The following COL8A1 variants were observed in gnomAD, a reference collection of about 807,000 sequenced individuals.
COL8A1 encodes the protein collagen type VIII alpha 1 chain, also known as collagen alpha-1(VIII) chain.
Under a neutral mutation model 42.7 loss-of-function variants are expected in COL8A1, and 21 were observed. The observed-to-expected ratio is 0.49, with a 90% confidence interval of 0.35 to 0.71. COL8A1 has a LOEUF of 0.71. COL8A1 is among the 30% of genes least tolerant of loss of function. COL8A1 has a pLI of 0.01. For synonymous variants in COL8A1, 367 were observed against 369.1 expected (o/e 0.99, Z 0.06); for missense variants, 788 against 962.4 (o/e 0.82, Z 2.40).
intron 2 of COL8A1, among the ~76,000 whole-genome samples, chr3:99,757,600 A>T (rs890949585): frequency 1.3e-5 from 2 of 152,160 alleles, no homozygotes; most frequent in Admixed American, 1.3e-4. Flanking sequence ...ACTTAAACTT[A>T]TATCAGTTCA....
intron 1 of COL8A1, among the ~76,000 whole-genome samples, chr3:99,707,507 T>A (rs1939713968): frequency 6.6e-6 from 1 of 152,046 alleles, no homozygotes; most frequent in Non-Finnish European, 1.5e-5. Context: ...CCCGAGGGAG[T>A]GCAGGTGTTC....
At chr3:99,785,998 G>T (rs563865523) in intron 2 of COL8A1, among the ~76,000 whole-genome samples, 2 of 151,956 alleles carry the variant, frequency 1.3e-5, no homozygotes, top group Non-Finnish European at 1.5e-5. Flanking sequence ...TCAAAATGAG[G>T]TCAGGCATGG....
chr3:99,705,620 G>A (rs762280308), intron 1 of COL8A1, among the ~76,000 whole-genome samples: 3 of 152,124 alleles, frequency 2.0e-5, no homozygotes, highest in Non-Finnish European at 4.4e-5. Flanking sequence ...AATACTGGTT[G>A]ATAAAAGTCT....
chr3:99,790,312 C>A (rs750668824), intron 2 of COL8A1, among the ~76,000 whole-genome samples: 3 of 152,166 alleles, frequency 2.0e-5, no homozygotes, highest in Admixed American at 6.5e-5. Flanking sequence ...GACAACTATA[C>A]ACAATTGGCA....
rs542709514 is a variant in COL8A1 at position 99,725,860 on chromosome 3, T to A, written c.-128-19037T>A. Among the ~76,000 whole-genome samples the A allele has an allele frequency of 3.0e-3, 458 of 152,180 alleles. 4 individuals are homozygous for A. The highest frequency in any genetic ancestry group is 0.01 in the African/African-American group (435 of 41,530). On this transcript the variant is annotated intron_variant, in intron 1 of 3. Transcript: ENST00000652472. ...TCCAAGTCTTTGCTATTGTGAATAG[T>A]GCCGCAATAAACATACGTGTGCATA... is the stretch of plus-strand genomic sequence containing the variant.
At position 99,708,199 on chromosome 3, in the gene COL8A1, T is replaced by A. The variant is rs1015703293; in HGVS notation, c.-128-36698T>A. Among the ~76,000 whole-genome samples the A allele has an allele frequency of 3.9e-5, 6 of 152,288 alleles. No individual in the cohort carries two copies. In the East Asian group the frequency reaches 9.7e-4, roughly 25 times the overall value. On this transcript the variant is annotated intron_variant, in intron 1 of 3. Coordinates refer to ENST00000652472, the MANE Select transcript of COL8A1 (RefSeq NM_020351.4). ...GAGTGTTTATGGTGCTACCCCTACA[T>A]CATCCTCAACCACTTCTCAAAGACG... is the stretch of plus-strand genomic sequence containing the variant.
At chr3:99,746,337 T>C (rs114955481) in intron 2 of COL8A1, among the ~76,000 whole-genome samples, 1,965 of 152,198 alleles carry the variant, frequency 0.013, 35 homozygotes, top group African/African-American at 0.044. Flanking sequence ...AGCAGCAGAT[T>C]ATAGGACTCG....
rs75616304 is a variant in COL8A1 at position 99,745,256 on chromosome 3, C to T, written c.-4+235C>T. ...ATACATGTGCAGAGTGTGATCCTAG[C>T]TGATTTTTAAGTCTAGGCATGTTGA... On this transcript the variant is annotated intron_variant, in intron 2 of 3. Coordinates refer to ENST00000652472, the MANE Select transcript of COL8A1 (RefSeq NM_020351.4). Among the ~76,000 whole-genome samples the T allele has an allele frequency of 7.7e-3, 1,171 of 152,232 alleles. 65 individuals are homozygous for T. The East Asian group carries it at 0.14, about 18-fold the overall frequency.
At chr3:99,762,926 T>C (rs1941391440) in intron 2 of COL8A1, among the ~76,000 whole-genome samples, 1 of 152,168 alleles carries the variant, frequency 6.6e-6, no homozygotes, top group Non-Finnish European at 1.5e-5. Context: ...TTGGAGTTAA[T>C]GTCCCCTTTG....
Position 99,785,975 on chromosome 3 carries a change from G to A in COL8A1, c.-3-4705G>A, listed in dbSNP as rs901938252. Reference sequence around the variant, plus strand: ...TTATCTTCCAGGAAAAAAGAATATCGTAAATAAAGAATTCAAAATGAGGTC... The same window carrying A: ...TTATCTTCCAGGAAAAAAGAATATCATAAATAAAGAATTCAAAATGAGGTC... On this transcript the variant is annotated intron_variant, in intron 2 of 3. Transcript: ENST00000652472. Among the ~76,000 whole-genome samples, 16 of 152,184 alleles carry A rather than the reference G, an allele frequency of 1.1e-4. No homozygotes were observed. In the South Asian group the frequency reaches 2.3e-3, roughly 22 times the overall value.
At chr3:99,707,435 C>G (rs1273350078) in intron 1 of COL8A1, among the ~76,000 whole-genome samples, 1 of 152,168 alleles carries the variant, frequency 6.6e-6, no homozygotes, top group African/African-American at 2.4e-5. Context: ...AACCAAGGAG[C>G]TTCAAACCCT....
At chr3:99,780,704 CCTT>C (rs940124312) in intron 2 of COL8A1, among the ~76,000 whole-genome samples, 2 of 152,196 alleles carry the variant, frequency 1.3e-5, no homozygotes, top group African/African-American at 4.8e-5. Context: ...CTCTCAGCCT[CCTT>C]AACTGATATA....
chr3:99,702,565 A>G (rs1334766213), intron 1 of COL8A1, among the ~76,000 whole-genome samples: 9 of 152,214 alleles, frequency 5.9e-5, no homozygotes, highest in Non-Finnish European at 1.3e-4. Context: ...GGGAGATTTC[A>G]ATTCCTGTGA....
At chr3:99,650,934 A>G (rs985511778) in intron 1 of COL8A1, among the ~76,000 whole-genome samples, 1 of 152,202 alleles carries the variant, frequency 6.6e-6, no homozygotes, top group Non-Finnish European at 1.5e-5. Flanking sequence ...AGTGAATGCT[A>G]TGACTGCAGT....
At position 99,717,613 on chromosome 3, in the gene COL8A1, C is replaced by T. The variant is rs75901217; in HGVS notation, c.-128-27284C>T. Among the ~76,000 whole-genome samples the T allele has an allele frequency of 6.1e-3, 930 of 152,090 alleles. 30 individuals carry two copies. Among genetic ancestry groups the T allele is most frequent in the Admixed American group, 0.046 (704 of 15,248 alleles). ...ATTTCTAGATGTTGAAAACTGAGCC[C>T]TCACCGAATTAAGTAGCTTTTACAA... On this transcript the variant is annotated intron_variant, in intron 1 of 3. Coordinates refer to ENST00000652472, the MANE Select transcript of COL8A1 (RefSeq NM_020351.4).
At chr3:99,690,209 T>C (rs1000032184) in intron 1 of COL8A1, among the ~76,000 whole-genome samples, 6 of 152,212 alleles carry the variant, frequency 3.9e-5, no homozygotes, top group African/African-American at 1.4e-4. Context: ...GATTAGGAAA[T>C]GTTATTAAAC....
chr3:99,716,580 C>T (rs1018405857), intron 1 of COL8A1, among the ~76,000 whole-genome samples: 1 of 151,986 alleles, frequency 6.6e-6, no homozygotes, highest in Non-Finnish European at 1.5e-5. Context: ...CAATTCCAAA[C>T]AAAATCAAAA....
rs1472390287 is a variant in COL8A1 at position 99,795,008 on chromosome 3, G to A, written c.1107G>A (p.Gly369=). ...ACCGGGGCATGGGAGGTGTTCCTGG[G>A]GCTCTTGGACCAAGAGGGGAGAAAG... The part of the protein sequence containing the change: ...KGDRGMGGVP[G]ALGPRGEKGP... Residue 369 remains glycine, a synonymous_variant, in exon 4 of 4, where the codon GGG becomes GGA. Coordinates refer to ENST00000652472, the MANE Select transcript of COL8A1 (RefSeq NM_020351.4). The A allele has an allele frequency of 4.4e-6, 7 of 1,607,328 alleles. No individual in the cohort carries two copies. In the South Asian group the frequency reaches 5.5e-5, roughly 13 times the overall value.
rs1013531778 is a variant in COL8A1 at position 99,776,399 on chromosome 3, T to A, written c.-3-14281T>A. 2.0e-5 allele frequency among the ~76,000 whole-genome samples: 3 copies of A among 152,178 alleles called. No individual in the cohort carries two copies. In the South Asian group the frequency reaches 6.2e-4, roughly 32 times the overall value. ...AAGTGACCTTTAAGTTGTGCCTGAATCCTCTACAGCTCCTAGCATGGTAGT... is the reference window on the plus strand; with the variant it reads ...AAGTGACCTTTAAGTTGTGCCTGAAACCTCTACAGCTCCTAGCATGGTAGT... On this transcript the variant is annotated intron_variant, in intron 2 of 3. Coordinates refer to ENST00000652472, the MANE Select transcript of COL8A1 (RefSeq NM_020351.4).
Sources: gnomAD v4.1 joint callset for allele counts (sites outside exome capture counted in the v4.1 genomes callset) on GRCh38, gnomAD v4.1.1 for gene constraint, MANE v1.5 for transcripts, NCBI Gene and HGNC (gene_info 2026-07-23, HGNC 2026-07-21) for gene names.